The following PKD1 variants were observed in gnomAD, a reference collection of about 807,000 sequenced individuals.
PKD1 encodes the protein polycystin 1, transient receptor potential channel interacting, also known as polycystin-1.
PKD1 carries 81 observed loss-of-function variants against 361.7 expected under a neutral mutation model. That is an observed-to-expected ratio of 0.22 (90% CI 0.19 to 0.27). The LOEUF is 0.27. PKD1 is among the 10% of genes least tolerant of loss of function. The probability of loss-of-function intolerance (pLI) is 1.00; values close to 1 mark genes in which losing one functional copy is unlikely to be tolerated. For missense variants in PKD1, 6,399 were observed against 6,118.3 expected (o/e 1.05, Z -1.53); for synonymous variants, 3,615 against 2,818.3 (o/e 1.28, Z -8.95).
At position 2,105,909 on chromosome 16, in the gene PKD1, G is replaced by A; in HGVS notation, c.7819C>T (p.His2607Tyr). ...PGLLRQADPQ[H>Y]VIEYSLALVT... ...AGGGCCAACGAGTACTCGATGACGT[G>A]CTGGGGATCGGCCTGCCGCAGCAGC... Residue 2607 changes from histidine to tyrosine, a missense_variant, in exon 20 of 46, where the codon CAC becomes TAC. Coordinates refer to ENST00000262304, the MANE Select transcript of PKD1 (RefSeq NM_001009944.3). 6.3e-7 allele frequency: 1 copy of A among 1,596,766 alleles called. No individual in the cohort carries two copies. Among genetic ancestry groups the A allele is most frequent in the Non-Finnish European group, 8.5e-7 (1 of 1,179,680 alleles).
Position 2,100,505 on chromosome 16 carries a change from G to C in PKD1, c.9459C>G (p.His3153Gln), listed in dbSNP as rs1401378171. The change falls in exon 27 of 46, where the codon CAC becomes CAG. Residue 3153 changes from histidine to glutamine, a missense_variant. By Grantham distance (24) the His-to-Gln change is conservative (BLOSUM62 0). Coordinates refer to ENST00000262304, the MANE Select transcript of PKD1 (RefSeq NM_001009944.3). This position sits in a 1 kb window ranked among gnomAD's most constrained non-coding sequence, Gnocchi z 4.4. ...GGTGGAAGGCTCTGTCGCCGTCCAG[G>C]TGCCGGTGGCCGCTCCGGCTGTCCA... Reference protein sequence around the residue: ...YGVDSRSGHRHLDGDRAFHRN... With the variant: ...YGVDSRSGHRQLDGDRAFHRN... The C allele has an allele frequency of 3.1e-6, 5 of 1,610,652 alleles. No homozygotes were observed. The highest frequency in any genetic ancestry group is 4.2e-6 in the Non-Finnish European group (5 of 1,179,622).
intron 26 of PKD1, among the ~76,000 whole-genome samples, chr16:2,101,515 A>G (rs191703820): frequency 1.6e-4 from 24 of 152,254 alleles, no homozygotes; most frequent in Non-Finnish European, 3.4e-4. Context: ...TACTCAGGAG[A>G]ATCGCTTAAG....
Position 2,090,712 on chromosome 16 carries a change from C to T in PKD1, c.12100G>A (p.Val4034Met), listed in dbSNP as rs774121002. 4.3e-6 allele frequency: 7 copies of T among 1,612,464 alleles called. No individual in the cohort carries two copies. In the South Asian group the frequency reaches 4.4e-5, roughly 10 times the overall value. ...PELLGVTLGL[V>M]VLGVAYAQLA... is the part of the protein sequence containing the mutation. ...TGGGCGTAGGCTACCCCGAGCACCA[C>T]CAGGCCCAAGGTGACCCCCAGGAGC... The change falls in exon 44 of 46, where the codon GTG (valine) becomes ATG (methionine). Residue 4034 changes from valine to methionine, a missense_variant. By Grantham distance (21) the Val-to-Met change is conservative. Coordinates refer to ENST00000262304, the MANE Select transcript of PKD1 (RefSeq NM_001009944.3).
In PKD1 at chr16:2,117,533, C is replaced by T. The variant is rs745675814; in HGVS notation, c.1341G>A (p.Val447=). 4.4e-6 allele frequency: 7 copies of T among 1,594,692 alleles called. No individual in the cohort carries two copies. In the South Asian group the frequency reaches 6.7e-5, roughly 15 times the overall value. ...QAWAGAALAM[V]DSPAVQRFLV... Reference sequence around the variant, plus strand: ...GGAAGCGCTGCACGGCGGGACTGTCCACCATTGCCAGGGCGGCCCCGGCCC... The same window carrying T: ...GGAAGCGCTGCACGGCGGGACTGTCTACCATTGCCAGGGCGGCCCCGGCCC... The change falls in exon 6 of 46, where the codon GTG becomes GTA. Residue 447 remains valine (V), a synonymous_variant. Transcript: ENST00000262304.
rs2092253898 is a variant in PKD1 at position 2,104,437 on chromosome 16, G to A, written c.8161+61C>T. On this transcript the variant is annotated intron_variant, in intron 22 of 45. Transcript: ENST00000262304. ...AAAGGCGACGCGGTTGGGGGGAGGA[G>A]GGAGGCAGAGGAAAGGGCCGCACGG... 34 of 1,322,630 alleles carry A rather than the reference G, an allele frequency of 2.6e-5. 1 individual carries two copies. In the South Asian group the frequency reaches 3.9e-4, roughly 15 times the overall value. 81.9% of individuals were successfully genotyped at this position (1,322,630 alleles called of 1,614,324 possible).
At chr16:2,130,977 G>A (rs1436670623) in intron 1 of PKD1, among the ~76,000 whole-genome samples, 1 of 152,152 alleles carries the variant, frequency 6.6e-6, no homozygotes, top group Non-Finnish European at 1.5e-5. Context: ...TTAGAGCAGG[G>A]GGCCCTGAGC....
chr16:2,090,458 A>G lies in PKD1; in HGVS notation c.12271T>C (p.Trp4091Arg). Reference sequence around the variant, plus strand: ...AGGGCGCCCCACAGCCGCAGTGCCCAGAGCCCCACACACAGCAGGGGTGAC... The same window carrying G: ...AGGGCGCCCCACAGCCGCAGTGCCCGGAGCCCCACACACAGCAGGGGTGAC... ...HLSPLLCVGL[W>R]ALRLWGALRL... Residue 4091 changes from tryptophan to arginine, a missense_variant, in exon 45 of 46, where the codon TGG becomes CGG. Transcript: ENST00000262304. 6.2e-7 allele frequency: 1 copy of G among 1,612,398 alleles called. No homozygotes were observed. Among genetic ancestry groups the G allele is most frequent in the Non-Finnish European group, 8.5e-7 (1 of 1,179,790 alleles).
chr16:2,118,898 C>T lies in PKD1; in HGVS notation c.360-53G>A, dbSNP rs774940322. ...CCAGGTCTGGTGGGAAGGGTCTATG[C>T]CAGCCCCCCACTGGCAACCAGGCCC... On this transcript the variant is annotated intron_variant, in intron 3 of 45. Transcript: ENST00000262304. This position sits in a 1 kb window ranked among gnomAD's most constrained non-coding sequence, Gnocchi z 6.0. The T allele has an allele frequency of 1.2e-5, 14 of 1,187,076 alleles. No individual in the cohort carries two copies. The Admixed American group carries it at 1.3e-4, about 11-fold the overall frequency. 73.5% of individuals were successfully genotyped at this position (1,187,076 alleles called of 1,614,324 possible). A position where few individuals can be genotyped will look rare whatever the true frequency, so the allele number is the denominator to read the frequency against.
chr16:2,124,490 G>GC (rs991387971), intron 1 of PKD1, among the ~76,000 whole-genome samples: 3 of 152,238 alleles, frequency 2.0e-5, no homozygotes, highest in African/African-American at 7.2e-5. Context: ...GGCCGGGGGA[G>GC]CCGGGGTCGG....
In PKD1 at chr16:2,091,030, G is replaced by A. The variant is rs1421762481; in HGVS notation, c.11857C>T (p.Leu3953Phe). 2.0e-6 allele frequency: 3 copies of A among 1,531,670 alleles called. No individual in the cohort carries two copies. The highest frequency in any genetic ancestry group is 2.6e-6 in the Non-Finnish European group (3 of 1,144,598). 94.9% of individuals were successfully genotyped at this position (1,531,670 alleles called of 1,614,324 possible). ...CGGTCAGCGGCACCCAGCTGGGCGA[G>A]GCGTACCAGTGCCGTGGCCGCCGTC... ...ALTAATALVRLAQLGAADRQW... is the reference protein window; with the variant it reads ...ALTAATALVRFAQLGAADRQW... The change falls in exon 43 of 46, where the codon CTC becomes TTC. Residue 3953 changes from leucine to phenylalanine, a missense_variant. Physicochemically the swap from Leu to Phe is conservative, Grantham distance 22. Coordinates refer to ENST00000262304, the MANE Select transcript of PKD1 (RefSeq NM_001009944.3).
Position 2,090,900 on chromosome 16 carries a change from A to T in PKD1, c.11987T>A (p.Phe3996Tyr), listed in dbSNP as rs1445151065. The T allele has an allele frequency of 6.3e-7, 1 of 1,599,242 alleles. No homozygotes were observed. The highest frequency in any genetic ancestry group is 1.1e-5 in the South Asian group (1 of 90,650). The change falls in exon 43 of 46, where the codon TTC becomes TAC. Residue 3996 changes from phenylalanine (F) to tyrosine (Y), a missense_variant. Physicochemically the swap from Phe to Tyr is conservative, Grantham distance 22. Transcript: ENST00000262304. ...AGCCCTCACCTTGACCAAAAGCAGG[A>T]AGAGCAGCGAGGCCGCCAGGCCACG... Reference protein sequence around the residue: ...AARGLAASLLFLLLVKAAQQL... With the variant: ...AARGLAASLLYLLLVKAAQQL...
intron 30 of PKD1, chr16:2,099,084 G>A (rs1374914756): frequency 7.5e-5 from 16 of 214,058 alleles, no homozygotes; most frequent in Middle Eastern, 4.0e-3. Context: ...TGCCCGCCTC[G>A]GCCTCCCAAA....
Position 2,108,429 on chromosome 16 carries a change from C to T in PKD1, c.6738G>A (p.Gln2246=). Residue 2246 remains glutamine (Q), a synonymous_variant, in exon 15 of 46, where the codon CAG becomes CAA. Coordinates refer to ENST00000262304, the MANE Select transcript of PKD1 (RefSeq NM_001009944.3). ...FGDTPLTQSI[Q]ANVTVAPERL... is the part of the protein sequence containing the mutation. ...GCTCGGGGGCCACCGTCACATTGGC[C>T]TGGATGCTCTGTGTCAGTGGCGTGT... The T allele has an allele frequency of 6.2e-7, 1 of 1,610,560 alleles. No homozygotes were observed.
At position 2,111,530 on chromosome 16, in the gene PKD1, G is replaced by A. The variant is rs561267008; in HGVS notation, c.3637C>T (p.Arg1213Cys). 2.1e-5 allele frequency: 33 copies of A among 1,605,798 alleles called. No homozygotes were observed. The highest frequency in any genetic ancestry group is 6.7e-5 in the African/African-American group (5 of 74,922). ...QADVRVFEEL[R>C]GLSVDMSLAV... ...AGGCTCATGTCCACGCTGAGTCCGC[G>A]GAGCTCCTCAAAGACGCGCACATCC... Residue 1213 changes from arginine to cysteine, a missense_variant, in exon 15 of 46, where the codon CGC (arginine) becomes TGC (cysteine). Arg to Cys is a radical substitution (Grantham distance 180). Transcript: ENST00000262304.
rs1441515380 is a variant in PKD1 at position 2,093,565 on chromosome 16, C to T, written c.10995G>A (p.Lys3665=). Residue 3665 remains lysine, a synonymous_variant, in exon 37 of 46, where the codon AAG becomes AAA. Transcript: ENST00000262304. The part of the protein sequence containing the change: ...FLAKEEARKV[K]RLHGMLRSLL... ...TCACCCGCAGCATGCCATGTAGCCT[C>T]TTGACCTTGCGGGCTTCTTCCTTGG... is the stretch of plus-strand genomic sequence containing the variant. The T allele has an allele frequency of 1.9e-6, 3 of 1,605,458 alleles. No individual in the cohort carries two copies. The highest frequency in any genetic ancestry group is 2.6e-6 in the Non-Finnish European group (3 of 1,176,420).
chr16:2,103,731 G>C lies in PKD1; in HGVS notation c.8326C>G (p.Leu2776Val), dbSNP rs1246734219. 6.2e-7 allele frequency: 1 copy of C among 1,610,076 alleles called. No homozygotes were observed. Among genetic ancestry groups the C allele is most frequent in the Non-Finnish European group, 8.5e-7 (1 of 1,179,594 alleles). ...SRVLNEEPLTLAGEEIVAQGK... is the reference protein window; with the variant it reads ...SRVLNEEPLTVAGEEIVAQGK... ...TGGGCCACGATCTCCTCGCCCGCCA[G>C]CGTCAGGGGCTCCTCGTTGAGCACG... The change falls in exon 23 of 46, where the codon CTG becomes GTG. Residue 2776 changes from leucine (L) to valine (V), a missense_variant. Physicochemically the swap from Leu to Val is conservative, Grantham distance 32. Coordinates refer to ENST00000262304, the MANE Select transcript of PKD1 (RefSeq NM_001009944.3).
chr16:2,098,169 C>T (rs1197092013), intron 30 of PKD1, 185 bp from the exon 31 acceptor site: 1 of 602,948 alleles, frequency 1.7e-6, no homozygotes, highest in Non-Finnish European at 3.0e-6. Context: ...TGCCACTGAA[C>T]ACTTGACAGC....
intron 38 of PKD1, 151 bp from the exon 39 acceptor site, chr16:2,092,743 G>T: frequency 2.4e-6 from 2 of 831,360 alleles, no homozygotes; most frequent in Non-Finnish European, 4.0e-6. Context: ...GGATGTTCTG[G>T]GGCAGACAGT....
At position 2,108,331 on chromosome 16, in the gene PKD1, C is replaced by T. The variant is rs368363458; in HGVS notation, c.6836G>A (p.Ser2279Asn). The T allele has an allele frequency of 1.2e-5, 19 of 1,607,172 alleles. No homozygotes were observed. The highest frequency in any genetic ancestry group is 1.5e-5 in the Non-Finnish European group (18 of 1,177,016). Residue 2279 changes from serine (S) to asparagine (N), a missense_variant, in exon 15 of 46, where the codon AGC (serine) becomes AAC (asparagine). Ser to Asn is a conservative substitution (Grantham distance 46). Transcript: ENST00000262304. ...SDTRDLVLDG[S>N]ESYDPNLEDG... is the part of the protein sequence containing the mutation. Reference sequence around the variant, plus strand: ...CTCCAGGTTGGGGTCGTAGGACTCGCTCCCATCCAGCACCAGGTCCCGTGT... The same window carrying T: ...CTCCAGGTTGGGGTCGTAGGACTCGTTCCCATCCAGCACCAGGTCCCGTGT...
Sources: gnomAD v4.1 joint callset for allele counts (sites outside exome capture counted in the v4.1 genomes callset) on GRCh38, gnomAD v4.1.1 for gene constraint, Gnocchi (gnomAD v3.1) non-coding constraint, MANE v1.5 for transcripts, NCBI Gene and HGNC (gene_info 2026-07-23, HGNC 2026-07-21) for gene names.